CNR2: variants seen among roughly 807,000 people sequenced by gnomAD.
The protein encoded by CNR2 is cannabinoid receptor 2.
For missense variants in CNR2, 379 were observed against 439.9 expected (o/e 0.86, Z 1.24); for synonymous variants, 172 against 182.2 (o/e 0.94, Z 0.45).
intron 1 of CNR2, among the ~76,000 whole-genome samples, chr1:23,894,979 G>T (rs1182295987): frequency 2.6e-5 from 4 of 152,172 alleles, no homozygotes; most frequent in African/African-American, 4.8e-5. Context: ...TAGCACTTTG[G>T]GAGGCTGAGG....
chr1:23,897,481 A>ATTTTTTTTTTTTTTTTTTTTTTTTTT (rs35662001), intron 1 of CNR2, among the ~76,000 whole-genome samples: 51 of 149,970 alleles, frequency 3.4e-4, no homozygotes, highest in African/African-American at 1.2e-3. Flanking sequence ...TGTTAATAGA[A>ATTTTTTTTTTTTTTTTTTTTTTTTTT]TTTTTTTTTT....
intron 1 of CNR2, among the ~76,000 whole-genome samples, chr1:23,913,008 A>C (rs1170688257): frequency 6.6e-6 from 1 of 152,158 alleles, no homozygotes; most frequent in African/African-American, 2.4e-5. Context: ...CTCTACTAAA[A>C]ATACAAAAAT....
At chr1:23,903,584 A>AC (rs1479397048) in intron 1 of CNR2, among the ~76,000 whole-genome samples, 3 of 151,528 alleles carry the variant, frequency 2.0e-5, no homozygotes, top group African/African-American at 7.3e-5. Context: ...TGTCAAAAAA[A>AC]AAAAAAAAAG....
intron 1 of CNR2, among the ~76,000 whole-genome samples, chr1:23,899,912 A>G (rs1162851009): frequency 4.4e-4 from 2 of 4,526 alleles, no homozygotes; most frequent in African/African-American, 5.1e-4. Flanking sequence ...AGAAAGAGAA[A>G]GAAAGAAAGA....
At position 23,871,351 on chromosome 1, in the gene CNR2, G is replaced by A. The variant is rs1450513256; in HGVS notation, c.*3184C>T. 2.0e-5 allele frequency: 3 copies of A among 152,122 alleles called. No individual in the cohort carries two copies. Among genetic ancestry groups the A allele is most frequent in the Non-Finnish European group, 2.9e-5 (2 of 68,028 alleles). The allele number at this position is 152,122 out of a possible 1,614,324, so 9.4% of individuals were successfully genotyped here. A position where few individuals can be genotyped will look rare whatever the true frequency, so the allele number is the denominator to read the frequency against. Reference sequence around the variant, plus strand: ...CAAAATGAGAAAGGATTCCACCGATGAATAAAGAAAGGCATGCTTCAACTT... The same window carrying A: ...CAAAATGAGAAAGGATTCCACCGATAAATAAAGAAAGGCATGCTTCAACTT... On this transcript the variant is annotated 3_prime_UTR_variant, in exon 2 of 2. Coordinates refer to ENST00000374472, the MANE Select transcript of CNR2 (RefSeq NM_001841.3).
rs930337716 is a variant in CNR2, at chr1:23,905,619, C to T, written c.-46+7627G>A. Among the ~76,000 whole-genome samples, 7 of 152,150 alleles carry T rather than the reference C, an allele frequency of 4.6e-5. No homozygotes were observed. The South Asian group carries it at 1.5e-3, about 32-fold the overall frequency. On this transcript the variant is annotated intron_variant, in intron 1 of 1. Coordinates refer to ENST00000374472, the MANE Select transcript of CNR2 (RefSeq NM_001841.3). ...CAGCAGAGAGGCTTGACTCATGGGG[C>T]TGATAAGATCTGTGAGTGGTGGCAA... is the stretch of plus-strand genomic sequence containing the variant.
In CNR2 at chr1:23,873,804, C is replaced by G. The variant is rs994056404; in HGVS notation, c.*731G>C. 7.2e-5 allele frequency: 11 copies of G among 152,128 alleles called. No homozygotes were observed. The highest frequency in any genetic ancestry group is 6.5e-4 in the Admixed American group (10 of 15,272). The allele number at this position is 152,128 out of a possible 1,614,324, so 9.4% of individuals were successfully genotyped here. A position where few individuals can be genotyped will look rare whatever the true frequency, so the allele number is the denominator to read the frequency against. ...CATTGCCTGCTTCCAGCAGCACCAC[C>G]AGGACTGCTGCTGGAAGGACTTCAG... On this transcript the variant is annotated 3_prime_UTR_variant, in exon 2 of 2. Transcript: ENST00000374472.
At chr1:23,879,627 A>G (rs1639944664) in intron 1 of CNR2, among the ~76,000 whole-genome samples, 1 of 152,208 alleles carries the variant, frequency 6.6e-6, no homozygotes, top group South Asian at 2.1e-4. Context: ...AAAAACAAAA[A>G]CAAAGTAGAA....
chr1:23,910,705 AAAAAAAC>A (rs1229322551), intron 1 of CNR2, among the ~76,000 whole-genome samples: 10 of 151,724 alleles, frequency 6.6e-5, no homozygotes, highest in South Asian at 4.2e-4. Context: ...AAAACAAAAC[AAAAAAAC>A]AAAAAACAAA....
At chr1:23,902,413 AG>A in intron 1 of CNR2, 1 of 1,588,622 alleles carries the variant, frequency 6.3e-7, no homozygotes, top group Non-Finnish European at 8.6e-7. Flanking sequence ...AAGTTGACGC[AG>A]GCTTTTGCCA....
At chr1:23,897,199 C>T (rs1369378430) in intron 1 of CNR2, among the ~76,000 whole-genome samples, 4 of 151,864 alleles carry the variant, frequency 2.6e-5, no homozygotes, top group African/African-American at 4.8e-5. Context: ...GATGAGATCT[C>T]AAAAGGTCCT....
chr1:23,911,691 G>C (rs1381525801), intron 1 of CNR2, among the ~76,000 whole-genome samples: 1 of 152,172 alleles, frequency 6.6e-6, no homozygotes, highest in Non-Finnish European at 1.5e-5. Context: ...AAGAGAGGGG[G>C]CTGGCGCTGG....
chr1:23,893,573 A>C lies in CNR2; in HGVS notation c.-45-17911T>G, dbSNP rs2501401. ...GTGTTGGATGTGGTGGAAAGAAAAC[A>C]GTCCTGAGTTCGGAATCTCAGGTGC... On this transcript the variant is annotated intron_variant, in intron 1 of 1. Transcript: ENST00000374472. Among the ~76,000 whole-genome samples the C allele has an allele frequency of 1.8e-3, 276 of 152,222 alleles. 2 individuals are homozygous for C. The highest frequency in any genetic ancestry group is 6.8e-3 in the Middle Eastern group (2 of 292).
intron 1 of CNR2, among the ~76,000 whole-genome samples, chr1:23,886,980 A>C (rs1640103372): frequency 6.6e-6 from 1 of 152,152 alleles, no homozygotes; most frequent in Non-Finnish European, 1.5e-5. Flanking sequence ...ATCTCGGCTC[A>C]CTGCAACTTG....
At chr1:23,877,985 T>C (rs1462158983) in intron 1 of CNR2, among the ~76,000 whole-genome samples, 2 of 148,864 alleles carry the variant, frequency 1.3e-5, no homozygotes, top group African/African-American at 4.9e-5. Flanking sequence ...AGAATGTAGC[T>C]CTGAAGAAAT....
Position 23,874,604 on chromosome 1 carries a change from G to A in CNR2, c.1014C>T (p.Thr338=), listed in dbSNP as rs2229581. The change falls in exon 2 of 2, where the codon ACC becomes ACT. Residue 338 remains threonine, a synonymous_variant. Coordinates refer to ENST00000374472, the MANE Select transcript of CNR2 (RefSeq NM_001841.3). ...TGATTTTCCCATCAGCCTCTGTCTC[G>A]GTGACTGAGGATCTCGGGGCTTCTT... is the stretch of plus-strand genomic sequence containing the variant. ...AKEEAPRSSV[T]ETEADGKITP... is the part of the protein sequence containing the mutation. 9.7e-5 allele frequency: 157 copies of A among 1,613,874 alleles called. No homozygotes were observed. In the African/African-American group the frequency reaches 1.2e-3, roughly 12 times the overall value.
At chr1:23,897,446 A>T (rs1319664416) in intron 1 of CNR2, among the ~76,000 whole-genome samples, 2 of 151,244 alleles carry the variant, frequency 1.3e-5, no homozygotes, top group Non-Finnish European at 2.9e-5. Context: ...CTGAGAACTT[A>T]AAAAAAATTA....
intron 1 of CNR2, among the ~76,000 whole-genome samples, chr1:23,905,380 A>G (rs571253147): frequency 2.0e-5 from 3 of 151,714 alleles, no homozygotes; most frequent in African/African-American, 7.2e-5. Context: ...GGGTTTCACC[A>G]TGTTGGCCAG....
At chr1:23,902,568 A>T (rs972572531) in intron 1 of CNR2, 17 of 1,607,910 alleles carry the variant, frequency 1.1e-5, no homozygotes, top group African/African-American at 4.0e-5. Flanking sequence ...TTCAGATTTG[A>T]CTTCCGCCAG....
Sources: allele counts gnomAD v4.1 joint callset (sites outside exome capture counted in the v4.1 genomes callset), GRCh38; gene constraint gnomAD v4.1.1; transcripts MANE v1.5; gene names NCBI Gene and HGNC (gene_info 2026-07-23, HGNC 2026-07-21).